The following A2M variants were observed in gnomAD, a reference collection of about 807,000 sequenced individuals.
A2M encodes the protein alpha-2-macroglobulin.
A2M carries 128 observed loss-of-function variants against 183.9 expected under a neutral mutation model. The observed-to-expected ratio is 0.70, with a 90% CI of 0.60 to 0.81. The LOEUF is 0.81. Among genes scored for constraint, A2M ranks in the 30% least tolerant of loss-of-function variants. The probability of loss-of-function intolerance (pLI) is 0.00; values close to 1 mark genes in which losing one functional copy is unlikely to be tolerated. For synonymous variants in A2M, 592 were observed against 670.8 expected (o/e 0.88, Z 1.81); for missense variants, 1,495 against 1,787.6 (o/e 0.84, Z 2.95).
Position 9,089,958 on chromosome 12 carries a change from G to C in A2M, c.2662C>G (p.Pro888Ala). ...TTCCTTCCGTGTTCAGGAACTGAAG[G>C]CACCTCAGTCCCACACAGCTCTTGA... is the stretch of plus-strand genomic sequence containing the variant. Reference protein sequence around the residue: ...ESQELCGTEVPSVPEHGRKDT... With the variant: ...ESQELCGTEVASVPEHGRKDT... Residue 888 changes from proline to alanine, a missense_variant, in exon 21 of 36, where the codon CCT (proline) becomes GCT (alanine). Pro to Ala is a conservative substitution (Grantham distance 27). Coordinates refer to ENST00000318602, the MANE Select transcript of A2M (RefSeq NM_000014.6). The C allele has an allele frequency of 6.2e-7, 1 of 1,612,412 alleles. No homozygotes were observed. The highest frequency in any genetic ancestry group is 8.5e-7 in the Non-Finnish European group (1 of 1,178,800).
Position 9,112,458 on chromosome 12 carries a change from G to A in A2M, c.349C>T (p.Arg117Trp), listed in dbSNP as rs773505902. ...TCGTTCTTAACCATCACTGTGGTCC[G>A]CTTCTTAAATTCTTGGGTTGGTCCT... is the stretch of plus-strand genomic sequence containing the variant. ...VKGPTQEFKK[R>W]TTVMVKNEDS... Residue 117 changes from arginine to tryptophan, a missense_variant, in exon 3 of 36, where the codon CGG (arginine) becomes TGG (tryptophan). Arg to Trp is a moderately radical substitution (Grantham distance 101). Transcript: ENST00000318602. The A allele has an allele frequency of 5.0e-6, 8 of 1,613,668 alleles. No individual in the cohort carries two copies. The highest frequency in any genetic ancestry group is 1.1e-5 in the South Asian group (1 of 91,064).
intron 22 of A2M, among the ~76,000 whole-genome samples, chr12:9,088,255 GTT>G (rs11384439): frequency 6.8e-6 from 1 of 148,070 alleles, no homozygotes; most frequent in East Asian, 2.0e-4. Flanking sequence ...GTGATGTTCT[GTT>G]TTTTTTTTTA....
intron 21 of A2M, 139 bp downstream of exon 21, chr12:9,089,763 A>T (rs984063416): frequency 5.3e-5 from 36 of 678,480 alleles, no homozygotes; most frequent in Non-Finnish European, 7.1e-5. Flanking sequence ...AAAAACCCCC[A>T]ACAAAACAGA....
At chr12:9,089,324 C>T (rs1949137748) in intron 21 of A2M, 73 bp from the exon 22 acceptor site, 2 of 1,068,538 alleles carry the variant, frequency 1.9e-6, no homozygotes, top group Admixed American at 2.0e-5. Context: ...GGAGGGACCA[C>T]AGATATTTGG....
chr12:9,079,970 C>A, intron 23 of A2M, 124 bp downstream of exon 23: 1 of 950,880 alleles, frequency 1.1e-6, no homozygotes. Flanking sequence ...AATAAACAAG[C>A]CCAAAGAAGA....
chr12:9,094,164 T>G (rs1949297435), intron 17 of A2M, among the ~76,000 whole-genome samples: 1 of 152,026 alleles, frequency 6.6e-6, no homozygotes, highest in African/African-American at 2.4e-5. Flanking sequence ...GACACACATG[T>G]TATGACAGTG....
chr12:9,086,835 A>T (rs1045200974), intron 22 of A2M, among the ~76,000 whole-genome samples: 1 of 152,234 alleles, frequency 6.6e-6, no homozygotes, highest in African/African-American at 2.4e-5. Flanking sequence ...ATTGACAAGG[A>T]AGAAGTAAAA....
In A2M at chr12:9,115,778, T is replaced by A; in HGVS notation, c.72A>T (p.Ser24=). 6.2e-7 allele frequency: 1 copy of A among 1,613,132 alleles called. No individual in the cohort carries two copies. The highest frequency in any genetic ancestry group is 8.5e-7 in the Non-Finnish European group (1 of 1,179,162). ...LLLVLLPTDA[S]VSGKPQYMVL... ...GTGGAACTCACGGTTTTCCAGAGAC[T>A]GAGGCGTCTGTGGGCAGGAGGACCA... is the stretch of plus-strand genomic sequence containing the variant. The change falls in exon 1 of 36, where the codon TCA becomes TCT. Residue 24 remains serine (S), a synonymous_variant. Transcript: ENST00000318602.
At chr12:9,080,578 G>T (rs1948881266) in intron 22 of A2M, among the ~76,000 whole-genome samples, 1 of 152,080 alleles carries the variant, frequency 6.6e-6, no homozygotes, top group Non-Finnish European at 1.5e-5. Flanking sequence ...AGCCCTATAA[G>T]TATACATAAG....
rs1490370109 is a variant in A2M, at chr12:9,080,287, G to GA, written c.2771-111dup. 1.7e-5 allele frequency: 10 copies of GA among 596,020 alleles called. No individual in the cohort carries two copies. The African/African-American group carries it at 1.7e-4, about 10-fold the overall frequency. 36.9% of individuals were successfully genotyped at this position (596,020 alleles called of 1,614,324 possible). On this transcript the variant is annotated intron_variant, in intron 22 of 35. Transcript: ENST00000318602. ...TATGCCTTATACCTAAACTCCTCCT[G>GA]AAAAGTTGTCCGCCTTTAATACAAC...
At position 9,093,573 on chromosome 12, in the gene A2M, T is replaced by A; in HGVS notation, c.2132A>T (p.Asp711Val). Residue 711 changes from aspartate to valine, a missense_variant, in exon 18 of 36, where the codon GAT becomes GTT. Physicochemically the swap from Asp to Val is radical, Grantham distance 152. Coordinates refer to ENST00000318602, the MANE Select transcript of A2M (RefSeq NM_000014.6). ...EGLRVGFYES[D>V]VMGRGHARLV... ...GCGTGCATGGCCTCTTCCCATTACATCTGACTCTATGGTGAGTGAGGAAGA... is the reference window on the plus strand; with the variant it reads ...GCGTGCATGGCCTCTTCCCATTACAACTGACTCTATGGTGAGTGAGGAAGA... The A allele has an allele frequency of 6.3e-7, 1 of 1,586,786 alleles. No individual in the cohort carries two copies. The highest frequency in any genetic ancestry group is 8.6e-7 in the Non-Finnish European group (1 of 1,164,912).
chr12:9,068,360 T>G (rs893435311), intron 34 of A2M, 136 bp from the exon 35 acceptor site: 1 of 871,810 alleles, frequency 1.1e-6, no homozygotes, highest in African/African-American at 1.7e-5. Context: ...ATAAGCATCA[T>G]TCATCTGATG....
chr12:9,089,775 A>G, intron 21 of A2M, 127 bp downstream of exon 21: 1 of 725,540 alleles, frequency 1.4e-6, no homozygotes, highest in Non-Finnish European at 1.9e-6. Context: ...CAAAACAGAA[A>G]GTAAATCAAG....
chr12:9,116,152 C>CT (rs1939104633), upstream of A2M: 1 of 368,816 alleles, frequency 2.7e-6, no homozygotes, highest in East Asian at 6.4e-5. Flanking sequence ...AGCTAATAAG[C>CT]TTTTCAACCT....
rs1948613491 is a variant in A2M, at chr12:9,072,689, G to A, written c.3939C>T (p.Ser1313=). Residue 1313 remains serine, a synonymous_variant, in exon 30 of 36, where the codon AGC becomes AGT. Transcript: ENST00000318602. ...VSLPELPGEY[S]MKVTGEGCVY... is the part of the protein sequence containing the mutation. ...CACATCCTTCTCCTGTCACTTTCAT[G>A]CTGTATTCCCCAGGCAGCTCTGGCA... 2 of 1,614,050 alleles carry A rather than the reference G, an allele frequency of 1.2e-6. No homozygotes were observed. The highest frequency in any genetic ancestry group is 1.7e-5 in the Admixed American group (1 of 59,994).
intron 31 of A2M, among the ~76,000 whole-genome samples, chr12:9,071,632 T>C (rs1948583677): frequency 6.6e-6 from 1 of 152,130 alleles, no homozygotes. Flanking sequence ...TCTGTTGTTC[T>C]CCTTTTTGTG....
intron 15 of A2M, 102 bp downstream of exon 15, chr12:9,098,505 A>G: frequency 1.5e-6 from 2 of 1,314,452 alleles, no homozygotes; most frequent in Non-Finnish European, 2.0e-6. Flanking sequence ...TTCCTAGATA[A>G]ATATAATTTT....
At chr12:9,068,316 T>C in intron 34 of A2M, 92 bp from the exon 35 acceptor site, 11 of 1,266,230 alleles carry the variant, frequency 8.7e-6, no homozygotes, top group East Asian at 2.4e-5. Flanking sequence ...AAGGAAGGAG[T>C]TTGTTGTGGG....
At position 9,072,373 on chromosome 12, in the gene A2M, G is replaced by A; in HGVS notation, c.4089C>T (p.Ile1363=). Residue 1363 remains isoleucine, a synonymous_variant, in exon 31 of 36, where the codon ATC becomes ATT. Coordinates refer to ENST00000318602, the MANE Select transcript of A2M (RefSeq NM_000014.6). ...DEPKAHTSFQ[I]SLSVSYTGSR... Reference sequence around the variant, plus strand: ...GAAGGTCTTACCTGACACTTAGGGAGATTTGGAAGCTGGTGTGGGCTTTGG... The same window carrying A: ...GAAGGTCTTACCTGACACTTAGGGAAATTTGGAAGCTGGTGTGGGCTTTGG... 1 of 1,613,960 alleles carries A rather than the reference G, an allele frequency of 6.2e-7. No individual in the cohort carries two copies. The highest frequency in any genetic ancestry group is 1.1e-5 in the South Asian group (1 of 91,048).
Sources: allele counts gnomAD v4.1 joint callset (sites outside exome capture counted in the v4.1 genomes callset), GRCh38; gene constraint gnomAD v4.1.1; transcripts MANE v1.5; gene names NCBI Gene and HGNC (gene_info 2026-07-23, HGNC 2026-07-21).